Variants in RANBP17 observed in about 807,000 individuals in gnomAD.
RANBP17 encodes the protein RAN binding protein 17, also known as ran-binding protein 17.
RANBP17 carries 158 observed loss-of-function variants against 141.2 expected under a neutral mutation model. The ratio of observed to expected loss-of-function variants is 1.12; its 90% CI spans 0.98 to 1.28. The LOEUF (loss-of-function observed/expected upper bound fraction) is 1.28. Ranked by LOEUF, RANBP17 falls within the 50% of genes most tolerant of loss-of-function variation. The pLI is 0.00. For missense variants in RANBP17, 1,438 were observed against 1,290.7 expected, an observed-to-expected ratio of 1.11 and a Z score of -1.75; for synonymous variants, 430 against 450.0, an observed-to-expected ratio of 0.96 and a Z score of 0.56.
intron 23 of RANBP17, among the ~76,000 whole-genome samples, chr5:171,241,824 CTT>C (rs1278068275): frequency 2.6e-5 from 4 of 152,152 alleles, no homozygotes; most frequent in African/African-American, 9.7e-5. Context: ...ATAAGACTCT[CTT>C]AACGTGTGTT....
At chr5:171,052,513 T>C (rs1247273121) in intron 14 of RANBP17, among the ~76,000 whole-genome samples, 1 of 152,204 alleles carries the variant, frequency 6.6e-6, no homozygotes, top group Non-Finnish European at 1.5e-5. Flanking sequence ...AGCACCATAG[T>C]CAAAAAATCA....
At chr5:170,879,369 A>AT (rs1768470002) in intron 2 of RANBP17, among the ~76,000 whole-genome samples, 1 of 152,118 alleles carries the variant, frequency 6.6e-6, no homozygotes, top group Non-Finnish European at 1.5e-5. Flanking sequence ...AGTTAAATGG[A>AT]TTTTATAATA....
intron 12 of RANBP17, among the ~76,000 whole-genome samples, chr5:170,931,962 A>T (rs1010640139): frequency 6.6e-6 from 1 of 152,156 alleles, no homozygotes; most frequent in African/African-American, 2.4e-5. Context: ...TGGTAGCTTG[A>T]TGGGGATAGC....
chr5:171,174,066 GC>G (rs913527308), intron 16 of RANBP17, among the ~76,000 whole-genome samples: 5 of 152,088 alleles, frequency 3.3e-5, no homozygotes, highest in Non-Finnish European at 7.4e-5. Context: ...ATTGCTGTTT[GC>G]CAAATTTGAA....
At chr5:170,951,368 AAAT>A (rs1261456293) in intron 12 of RANBP17, among the ~76,000 whole-genome samples, 2 of 152,274 alleles carry the variant, frequency 1.3e-5, no homozygotes, top group Admixed American at 1.3e-4. Context: ...GTATCAATAA[AAAT>A]AAATAAGATC....
intron 14 of RANBP17, among the ~76,000 whole-genome samples, chr5:171,122,593 C>G (rs1231463728): frequency 6.6e-6 from 1 of 152,180 alleles, no homozygotes; most frequent in Non-Finnish European, 1.5e-5. Flanking sequence ...GGAGGAGCAC[C>G]ACACTGCAAA....
At chr5:171,182,179 G>A (rs975379957) in intron 16 of RANBP17, among the ~76,000 whole-genome samples, 2 of 152,194 alleles carry the variant, frequency 1.3e-5, no homozygotes, top group Non-Finnish European at 2.9e-5. Flanking sequence ...CATCAATGGA[G>A]CCATATAAGA....
intron 14 of RANBP17, among the ~76,000 whole-genome samples, chr5:171,139,844 T>C (rs946721674): frequency 8.5e-5 from 13 of 152,198 alleles, no homozygotes; most frequent in Non-Finnish European, 1.5e-4. Context: ...TTTAAATAAC[T>C]TTCTATTGTT....
chr5:170,940,899 CT>C (rs35450164), intron 12 of RANBP17, among the ~76,000 whole-genome samples: 199 of 141,788 alleles, frequency 1.4e-3, no homozygotes, highest in Middle Eastern at 0.011. Flanking sequence ...ATAGAGACCA[CT>C]TTTTTTTTTT....
Position 171,131,037 on chromosome 5 carries a change from T to G in RANBP17, c.1711-39093T>G, listed in dbSNP as rs375598883. ...CTAGCAATAATAAGGGCATGAACTT[T>G]TCAGTTACACAGAATTGGGTTCACA... On this transcript the variant is annotated intron_variant, in intron 14 of 27. Transcript: ENST00000523189. 4.4e-4 allele frequency among the ~76,000 whole-genome samples: 67 copies of G among 152,320 alleles called. 2 individuals are homozygous for G. In the South Asian group the frequency reaches 0.013, roughly 31 times the overall value.
In RANBP17 at chr5:171,199,744, A is replaced by G. The variant is rs1366638233; in HGVS notation, c.2113A>G (p.Asn705Asp). 5 of 1,607,806 alleles carry G rather than the reference A, an allele frequency of 3.1e-6. No individual in the cohort carries two copies. The highest frequency in any genetic ancestry group is 1.3e-5 in the African/African-American group (1 of 74,934). Reference protein sequence around the residue: ...VAFETVLQIFNNNFKQEDVKR... With the variant: ...VAFETVLQIFDNNFKQEDVKR... ...TTTTGAAACAGTATTACAAATATTC[A>G]ACAACAACTTTAAACAAGAAGATGT... The change falls in exon 19 of 28, where the codon AAC becomes GAC. Residue 705 changes from asparagine (N) to aspartate (D), a missense_variant. Transcript: ENST00000523189.
chr5:171,110,995 A>G (rs1006868252), intron 14 of RANBP17, among the ~76,000 whole-genome samples: 5 of 151,692 alleles, frequency 3.3e-5, no homozygotes, highest in African/African-American at 7.3e-5. Flanking sequence ...ATATCTCCCA[A>G]TGCTATCCCT....
At chr5:170,954,518 A>ACG (rs1309891402) in intron 13 of RANBP17, among the ~76,000 whole-genome samples, 1 of 148,104 alleles carries the variant, frequency 6.8e-6, no homozygotes, top group East Asian at 2.0e-4. Flanking sequence ...TTTTACACAC[A>ACG]CACACACACA....
intron 5 of RANBP17, among the ~76,000 whole-genome samples, chr5:170,907,483 A>G (rs537089520): frequency 2.6e-5 from 4 of 151,980 alleles, no homozygotes; most frequent in Non-Finnish European, 5.9e-5. Context: ...GAGAATGACA[A>G]CTACTTATAT....
chr5:171,187,295 T>C (rs906338593), intron 18 of RANBP17, among the ~76,000 whole-genome samples: 5 of 152,116 alleles, frequency 3.3e-5, no homozygotes, highest in Non-Finnish European at 7.4e-5. Flanking sequence ...CAGATTACCA[T>C]AACAGATATA....
chr5:171,260,499 G>A (rs1410544063), intron 24 of RANBP17, among the ~76,000 whole-genome samples: 2 of 150,634 alleles, frequency 1.3e-5, no homozygotes, highest in South Asian at 2.1e-4. Flanking sequence ...TAACAGAGAC[G>A]AAAAGGTGAG....
At chr5:171,281,775 G>T (rs1767876688) in intron 25 of RANBP17, among the ~76,000 whole-genome samples, 1 of 152,224 alleles carries the variant, frequency 6.6e-6, no homozygotes, top group Non-Finnish European at 1.5e-5. Flanking sequence ...TTATTGACTT[G>T]AAATATACAC....
intron 5 of RANBP17, 165 bp downstream of exon 5, chr5:170,896,280 GT>G (rs1489339695): frequency 1.7e-6 from 1 of 575,460 alleles, no homozygotes; most frequent in Non-Finnish European, 3.1e-6. Context: ...GGCTAATTAA[GT>G]GGTGGAATAT....
chr5:171,283,699 G>A (rs913204233), intron 25 of RANBP17, among the ~76,000 whole-genome samples: 2 of 152,174 alleles, frequency 1.3e-5, no homozygotes, highest in South Asian at 2.1e-4. Flanking sequence ...GGGTGTTCAC[G>A]TGCATATGTG....
Sources: allele counts gnomAD v4.1 joint callset (sites outside exome capture counted in the v4.1 genomes callset), GRCh38; gene constraint gnomAD v4.1.1; transcripts MANE v1.5; gene names NCBI Gene and HGNC (gene_info 2026-07-23, HGNC 2026-07-21).